SETD2: variants seen among roughly 807,000 people sequenced by gnomAD.
The protein encoded by SETD2 is SET domain containing 2, histone lysine methyltransferase.
Under a neutral mutation model 242.1 loss-of-function variants are expected in SETD2, and 31 were observed. That is an observed-to-expected ratio of 0.13 (90% CI 0.10 to 0.17). The LOEUF (loss-of-function observed/expected upper bound fraction) is 0.17. SETD2 is among the 10% of genes least tolerant of loss of function. The probability of loss-of-function intolerance (pLI) is 1.00; values close to 1 mark genes in which losing one functional copy is unlikely to be tolerated. For missense variants in SETD2, 2,481 were observed against 3,046.3 expected, an observed-to-expected ratio of 0.81 and a Z score of 4.37; for synonymous variants, 1,006 against 1,066.5, an observed-to-expected ratio of 0.94 and a Z score of 1.11.
chr3:47,081,218 G>T, intron 12 of SETD2: 1 of 370,556 alleles, frequency 2.7e-6, no homozygotes, highest in Non-Finnish European at 3.7e-6. Flanking sequence ...TGCCATCACA[G>T]CAAAACCAAG....
At position 47,120,453 on chromosome 3, in the gene SETD2, T is replaced by C. The variant is rs559594100; in HGVS notation, c.4183A>G (p.Lys1395Glu). ...GGCCCTCTATCTTTGATATCATTTT[T>C]TTCTAAGTTTTTTGAAAAATCTTTC... ...EKKDFSKNLEKNDIKDRGPLK... is the reference protein window; with the variant it reads ...EKKDFSKNLEENDIKDRGPLK... Residue 1395 changes from lysine to glutamate, a missense_variant, in exon 3 of 21, where the codon AAA becomes GAA. Physicochemically the swap from Lys to Glu is moderately conservative, Grantham distance 56. This residue lies in a region of SETD2 where 1,300 missense variants were observed against 1,259.2 expected (regional missense o/e 1.03). Transcript: ENST00000409792. The C allele has an allele frequency of 6.2e-7, 1 of 1,613,288 alleles. No homozygotes were observed. Among genetic ancestry groups the C allele is most frequent in the African/African-American group, 1.3e-5 (1 of 74,876 alleles).
chr3:47,027,300 G>A (rs1408324763), intron 18 of SETD2, among the ~76,000 whole-genome samples: 1 of 136,096 alleles, frequency 7.3e-6, no homozygotes. Context: ...TCGCACCACT[G>A]CACTCCAGCC....
intron 5 of SETD2, among the ~76,000 whole-genome samples, chr3:47,111,079 T>TAAAAAAAAAA (rs10672755): frequency 2.5e-5 from 2 of 78,800 alleles, no homozygotes; most frequent in African/African-American, 5.1e-5. Context: ...GTGGTTCCTT[T>TAAAAAAAAAA]AAAAAAAAAA....
chr3:47,041,241 C>G (rs1466714966), intron 17 of SETD2: 1 of 274,626 alleles, frequency 3.6e-6, no homozygotes, highest in Non-Finnish European at 7.5e-6. Context: ...CAACCATAGA[C>G]AATTTGTAAG....
At chr3:47,048,182 G>T (rs768754162) in intron 15 of SETD2, among the ~76,000 whole-genome samples, 6 of 152,166 alleles carry the variant, frequency 3.9e-5, no homozygotes, top group Non-Finnish European at 8.8e-5. Flanking sequence ...GAGGTCAGGA[G>T]ATCGAGACCA....
intron 1 of SETD2, among the ~76,000 whole-genome samples, chr3:47,138,512 C>A (rs960689530): frequency 6.6e-6 from 1 of 152,116 alleles, no homozygotes; most frequent in Non-Finnish European, 1.5e-5. Context: ...ACCTCCACCT[C>A]CCAGGTTCAA....
chr3:47,100,092 G>A (rs2042151975), intron 8 of SETD2, among the ~76,000 whole-genome samples: 1 of 150,798 alleles, frequency 6.6e-6, no homozygotes, highest in African/African-American at 2.4e-5. Flanking sequence ...ACAGGCATGT[G>A]CCACCCCACC....
chr3:47,055,795 G>A (rs2040030272), intron 15 of SETD2, among the ~76,000 whole-genome samples: 1 of 151,696 alleles, frequency 6.6e-6, no homozygotes, highest in Non-Finnish European at 1.5e-5. Context: ...GGTGGATCAC[G>A]AGGTCAGGAG....
rs2107683022 is a variant in SETD2 at position 47,101,514 on chromosome 3, G to A, written c.4959C>T (p.Thr1653=). Residue 1653 remains threonine, a synonymous_variant, in exon 8 of 21, where the codon ACC becomes ACT. Coordinates refer to ENST00000409792, the MANE Select transcript of SETD2 (RefSeq NM_014159.7). ...NGQLRVGFFT[T]KLVPSGSELT... ...ACTCTGAGCCTGAAGGAACCAGTTT[G>A]GTGGTAAAAAACCCAACCCTCAGTT... 1 of 1,613,602 alleles carries A rather than the reference G, an allele frequency of 6.2e-7. No homozygotes were observed. The highest frequency in any genetic ancestry group is 8.5e-7 in the Non-Finnish European group (1 of 1,179,730).
Position 47,070,207 on chromosome 3 carries a change from T to C in SETD2, c.6061-3089A>G, listed in dbSNP as rs566011087. ...CGCTTCTCAAAGATAAATTCTTAGT[T>C]ACGTTCAAAAGTTTAGATCAACTAC... is the stretch of plus-strand genomic sequence containing the variant. On this transcript the variant is annotated intron_variant, in intron 12 of 20. Coordinates refer to ENST00000409792, the MANE Select transcript of SETD2 (RefSeq NM_014159.7). Among the ~76,000 whole-genome samples the C allele has an allele frequency of 2.2e-3, 333 of 152,356 alleles. 1 individual carries two copies. The highest frequency in any genetic ancestry group is 7.4e-3 in the African/African-American group (308 of 41,582).
In SETD2 at chr3:47,123,798, T is replaced by G. The variant is rs994898155; in HGVS notation, c.838A>C (p.Lys280Gln). ...TTCCCAATATGGGAATCTTCTTTTTTTGAGGAAATATCTGCTTGCTCATTC... is the reference window on the plus strand; with the variant it reads ...TTCCCAATATGGGAATCTTCTTTTTGTGAGGAAATATCTGCTTGCTCATTC... ...ILNEQADISS[K>Q]KEDSHIGKDE... is the part of the protein sequence containing the mutation. Residue 280 changes from lysine (K) to glutamine (Q), a missense_variant, in exon 3 of 21, where the codon AAA becomes CAA. This residue lies in a region of SETD2 where 334 missense variants were observed against 374.5 expected (regional missense o/e 0.89). Transcript: ENST00000409792. The G allele has an allele frequency of 1.3e-6, 2 of 1,547,854 alleles. No individual in the cohort carries two copies. The highest frequency in any genetic ancestry group is 4.9e-5 in the East Asian group (2 of 40,884).
rs977090217 is a variant in SETD2, at chr3:47,121,585, A to G, written c.3051T>C (p.Tyr1017=). ...LTMEDSDGVT[Y]ALKCDSSGHA... ...GACCACTACTGTCACACTTTAATGC[A>G]TAAGTTACACCATCACTGTCTTCCA... The change falls in exon 3 of 21, where the codon TAT becomes TAC. Residue 1017 remains tyrosine (Y), a synonymous_variant. Coordinates refer to ENST00000409792, the MANE Select transcript of SETD2 (RefSeq NM_014159.7). 8.7e-6 allele frequency: 14 copies of G among 1,614,036 alleles called. No homozygotes were observed. The highest frequency in any genetic ancestry group is 1.3e-5 in the African/African-American group (1 of 74,942).
intron 17 of SETD2, among the ~76,000 whole-genome samples, chr3:47,039,005 T>C (rs754628995): frequency 7.2e-5 from 11 of 152,158 alleles, no homozygotes; most frequent in Admixed American, 3.3e-4. Flanking sequence ...TACATATATA[T>C]AGACTATTGT....
intron 1 of SETD2, chr3:47,145,392 T>C: frequency 3.9e-6 from 1 of 258,318 alleles, no homozygotes. Context: ...ATGCCTGTGT[T>C]TTGTTTTTGT....
intron 16 of SETD2, among the ~76,000 whole-genome samples, chr3:47,044,094 G>A (rs2039405951): frequency 6.6e-6 from 1 of 151,938 alleles, no homozygotes. Flanking sequence ...TGTAATCCCA[G>A]CACTTTGGAA....
chr3:47,104,790 G>A (rs2042344777), intron 6 of SETD2, among the ~76,000 whole-genome samples: 1 of 152,166 alleles, frequency 6.6e-6, no homozygotes, highest in African/African-American at 2.4e-5. Flanking sequence ...GACCAAGATG[G>A]GCTGGGTGTA....
chr3:47,143,110 T>A (rs890007991), intron 1 of SETD2, among the ~76,000 whole-genome samples: 1 of 152,102 alleles, frequency 6.6e-6, no homozygotes, highest in African/African-American at 2.4e-5. Flanking sequence ...CTGGGCAACA[T>A]AGTGAGAGCC....
chr3:47,123,689 C>T lies in SETD2; in HGVS notation c.947G>A (p.Gly316Asp), dbSNP rs1158030524. The change falls in exon 3 of 21, where the codon GGC becomes GAC. Residue 316 changes from glycine (G) to aspartate (D), a missense_variant. Physicochemically the swap from Gly to Asp is moderately conservative, Grantham distance 94. Transcript: ENST00000409792. ...GSKKKSSQSEGIFLGSESDED... is the reference protein window; with the variant it reads ...GSKKKSSQSEDIFLGSESDED... Reference sequence around the variant, plus strand: ...ATCAGATTCTGAACCAAGAAAGATGCCTTCAGATTGTGAGGATTTCTTCTT... The same window carrying T: ...ATCAGATTCTGAACCAAGAAAGATGTCTTCAGATTGTGAGGATTTCTTCTT... 42 of 1,551,162 alleles carry T rather than the reference C, an allele frequency of 2.7e-5. No homozygotes were observed. Among genetic ancestry groups the T allele is most frequent in the Non-Finnish European group, 3.7e-5 (42 of 1,146,874 alleles).
Position 47,083,980 on chromosome 3 carries a change from G to A in SETD2, c.5800C>T (p.Pro1934Ser). 6.2e-7 allele frequency: 1 copy of A among 1,614,068 alleles called. No individual in the cohort carries two copies. Among genetic ancestry groups the A allele is most frequent in the Non-Finnish European group, 8.5e-7 (1 of 1,180,016 alleles). Residue 1934 changes from proline (P) to serine (S), a missense_variant, in exon 12 of 21, where the codon CCT becomes TCT. Transcript: ENST00000409792. ...QSQQLLPQQL[P>S]ECKVDSETNI... ...GTTTCACTATCAACTTTGCATTCAGGCAGCTGTTGTGGGAGTAGCTGTTGT... is the reference window on the plus strand; with the variant it reads ...GTTTCACTATCAACTTTGCATTCAGACAGCTGTTGTGGGAGTAGCTGTTGT...
Sources: gnomAD v4.1 joint callset for allele counts (sites outside exome capture counted in the v4.1 genomes callset) on GRCh38, gnomAD v4.1.1 for gene constraint, gnomAD v4.1.1 regional missense constraint, MANE v1.5 for transcripts, NCBI Gene and HGNC (gene_info 2026-07-23, HGNC 2026-07-21) for gene names.